The following GBF1 variants were observed in gnomAD, a reference collection of about 807,000 sequenced individuals.
The protein encoded by GBF1 is Golgi-specific brefeldin A-resistance guanine nucleotide exchange factor 1.
GBF1 carries 114 observed loss-of-function variants against 210.5 expected under a neutral mutation model. That is an observed-to-expected ratio of 0.54 (90% CI 0.47 to 0.63). The LOEUF is 0.63. GBF1 is among the 30% of genes least tolerant of loss of function. The pLI is 0.00. For missense variants in GBF1, 1,851 were observed against 2,357.7 expected (o/e 0.79, Z 4.45); for synonymous variants, 850 against 889.2 (o/e 0.96, Z 0.78).
intron 1 of GBF1, among the ~76,000 whole-genome samples, chr10:102,257,822 T>A (rs1049420055): frequency 2.6e-5 from 4 of 152,040 alleles, no homozygotes; most frequent in African/African-American, 9.7e-5. Flanking sequence ...CTTAAATTCC[T>A]GGGCTCAAGC....
chr10:102,264,799 T>C (rs1187791222), intron 3 of GBF1, among the ~76,000 whole-genome samples: 1 of 152,262 alleles, frequency 6.6e-6, no homozygotes, highest in Admixed American at 6.5e-5. Context: ...TGCAGTGATG[T>C]ACCTTTGTGC....
At position 102,376,553 on chromosome 10, in the gene GBF1, T is replaced by G; in HGVS notation, c.4048-7T>G. ...CTGTGTCCCCAGCTCCTCTGTGTACTTTACAGGTTGGGAAGGATGACGTTG... is the reference window on the plus strand; with the variant it reads ...CTGTGTCCCCAGCTCCTCTGTGTACGTTACAGGTTGGGAAGGATGACGTTG... On this transcript the variant is annotated splice_polypyrimidine_tract_variant and splice_region_variant and intron_variant, in intron 31 of 39. Transcript: ENST00000369983. The G allele has an allele frequency of 6.2e-7, 1 of 1,614,040 alleles. No individual in the cohort carries two copies. Among genetic ancestry groups the G allele is most frequent in the Non-Finnish European group, 8.5e-7 (1 of 1,179,946 alleles).
chr10:102,350,803 G>A (rs920510065), intron 4 of GBF1, among the ~76,000 whole-genome samples: 3 of 152,126 alleles, frequency 2.0e-5, no homozygotes, highest in African/African-American at 4.8e-5. Context: ...CAGTTATGGG[G>A]CCGGGTGCAG....
intron 3 of GBF1, among the ~76,000 whole-genome samples, chr10:102,333,842 A>AAT (rs1186279298): frequency 6.6e-6 from 1 of 152,190 alleles, no homozygotes; most frequent in African/African-American, 2.4e-5. Context: ...TTTTGCAAGA[A>AAT]ATATATTCCT....
intron 7 of GBF1, among the ~76,000 whole-genome samples, 180 bp from the exon 8 acceptor site, chr10:102,353,420 C>T (rs892969232): frequency 5.3e-5 from 8 of 152,156 alleles, no homozygotes; most frequent in Admixed American, 1.3e-4. Flanking sequence ...ACACATCCCC[C>T]GATTCCTGTG....
At chr10:102,335,250 G>A (rs1382534245) in intron 3 of GBF1, among the ~76,000 whole-genome samples, 1 of 151,996 alleles carries the variant, frequency 6.6e-6, no homozygotes, top group Non-Finnish European at 1.5e-5. Flanking sequence ...CAGATGACTG[G>A]CTCATCTTAG....
Position 102,362,571 on chromosome 10 carries a change from G to A in GBF1, c.1783G>A (p.Ala595Thr). Residue 595 changes from alanine (A) to threonine (T), a missense_variant, in exon 15 of 40, where the codon GCT becomes ACT. Coordinates refer to ENST00000369983, the MANE Select transcript of GBF1 (RefSeq NM_001377137.1). ...VIDSTEAHCQ[A>T]KVLNSLTQQE... ...TGACAGCACCGAGGCCCACTGCCAG[G>A]CTAAAGTCCTCAACAGCCTCACCCA... 8 of 1,614,094 alleles carry A rather than the reference G, an allele frequency of 5.0e-6. No individual in the cohort carries two copies. The highest frequency in any genetic ancestry group is 6.8e-6 in the Non-Finnish European group (8 of 1,179,972).
chr10:102,334,666 G>A (rs1473661856), intron 3 of GBF1, among the ~76,000 whole-genome samples: 1 of 152,072 alleles, frequency 6.6e-6, no homozygotes, highest in East Asian at 1.9e-4. Flanking sequence ...AGCTAATAAC[G>A]GTGAAACCCC....
rs528679712 is a variant in GBF1 at position 102,382,070 on chromosome 10, G to A, written c.5317G>A (p.Glu1773Lys). The change falls in exon 40 of 40, where the codon GAG becomes AAG. Residue 1773 changes from glutamate (E) to lysine (K), a missense_variant. By Grantham distance (56) the Glu-to-Lys change is moderately conservative. Coordinates refer to ENST00000369983, the MANE Select transcript of GBF1 (RefSeq NM_001377137.1). ...ELGACDFEKP[E>K]SPRAASSSSP... is the part of the protein sequence containing the mutation. ...TTTCCCTACAGACTTTGAGAAGCCC[G>A]AGAGCCCCCGAGCCGCCAGCAGCAG... The A allele has an allele frequency of 3.1e-5, 48 of 1,548,990 alleles. No homozygotes were observed. The highest frequency in any genetic ancestry group is 3.8e-5 in the Non-Finnish European group (44 of 1,148,536).
intron 3 of GBF1, among the ~76,000 whole-genome samples, chr10:102,276,931 G>A (rs2075031623): frequency 6.6e-6 from 1 of 151,876 alleles, no homozygotes; most frequent in African/African-American, 2.4e-5. Flanking sequence ...AAAGGTGCAA[G>A]AATAATAGGT....
chr10:102,230,780 G>A, the GBF1 span: 17 of 1,537,738 alleles, frequency 1.1e-5, no homozygotes, highest in East Asian at 2.5e-5. Context: ...AGGCCCTGCA[G>A]GGCCCCAGGC....
intron 3 of GBF1, among the ~76,000 whole-genome samples, chr10:102,279,197 TA>T (rs2075269395): frequency 1.3e-5 from 2 of 152,292 alleles, no homozygotes; most frequent in East Asian, 3.9e-4. Context: ...ATCTAATAAC[TA>T]AAAAGAGTTT....
At chr10:102,304,380 A>ATATATATT (rs1223267409) in intron 3 of GBF1, among the ~76,000 whole-genome samples, 3 of 152,178 alleles carry the variant, frequency 2.0e-5, no homozygotes, top group Non-Finnish European at 4.4e-5. Context: ...TAAGAAAGAT[A>ATATATATT]TATATATTTT....
chr10:102,297,923 T>C (rs1165321786), intron 3 of GBF1, among the ~76,000 whole-genome samples: 1 of 152,006 alleles, frequency 6.6e-6, no homozygotes, highest in African/African-American at 2.4e-5. Context: ...ACTAGTAGTT[T>C]TGTTTTTGGT....
chr10:102,286,369 C>G (rs935242404), intron 3 of GBF1, among the ~76,000 whole-genome samples: 1 of 152,096 alleles, frequency 6.6e-6, no homozygotes, highest in Non-Finnish European at 1.5e-5. Context: ...TTTGTGGAGC[C>G]TGGTCTGGAG....
At chr10:102,324,039 G>A (rs1424838427) in intron 3 of GBF1, among the ~76,000 whole-genome samples, 1 of 151,984 alleles carries the variant, frequency 6.6e-6, no homozygotes, top group Non-Finnish European at 1.5e-5. Flanking sequence ...TTATACTGGT[G>A]CAAGTGGAAA....
rs2060708589 is a variant in GBF1 at position 102,379,454 on chromosome 10, G to A, written c.4645+20G>A. ...TGCAGGGTAAACCAGGAGGGGCAGA[G>A]GTAGGGAGTTTGGGGAGCATCAGGA... On this transcript the variant is annotated intron_variant, in intron 34 of 39. Coordinates refer to ENST00000369983, the MANE Select transcript of GBF1 (RefSeq NM_001377137.1). 1 of 1,613,974 alleles carries A rather than the reference G, an allele frequency of 6.2e-7. No individual in the cohort carries two copies. Among genetic ancestry groups the A allele is most frequent in the Non-Finnish European group, 8.5e-7 (1 of 1,179,994 alleles).
chr10:102,376,820 G>A lies in GBF1; in HGVS notation c.4288+20G>A. ...ATGGCGGTGGGTCAGCTGATGAGGG[G>A]GCAGCTGGGGAGTAGCCATGCAATT... On this transcript the variant is annotated intron_variant, in intron 32 of 39. Transcript: ENST00000369983. 3 of 1,608,816 alleles carry A rather than the reference G, an allele frequency of 1.9e-6. No individual in the cohort carries two copies. The highest frequency in any genetic ancestry group is 1.7e-5 in the Admixed American group (1 of 60,006).
chr10:102,376,332 G>A lies in GBF1; in HGVS notation c.3947G>A (p.Gly1316Glu). Residue 1316 changes from glycine to glutamate, a missense_variant, in exon 31 of 40, where the codon GGG (glycine) becomes GAG (glutamate). By Grantham distance (98) the Gly-to-Glu change is moderately conservative. Coordinates refer to ENST00000369983, the MANE Select transcript of GBF1 (RefSeq NM_001377137.1). ...YHQNDVSLDR[G>E]YTSDSEVYTD... ...CAGAATGACGTGAGCCTGGATCGAG[G>A]GTACACTTCCGACTCAGAGGTCTAC... The A allele has an allele frequency of 6.2e-7, 1 of 1,613,558 alleles. No individual in the cohort carries two copies. The highest frequency in any genetic ancestry group is 8.5e-7 in the Non-Finnish European group (1 of 1,179,782).
Sources: gnomAD v4.1 joint callset for allele counts (sites outside exome capture counted in the v4.1 genomes callset) on GRCh38, gnomAD v4.1.1 for gene constraint, MANE v1.5 for transcripts, NCBI Gene and HGNC (gene_info 2026-07-23, HGNC 2026-07-21) for gene names.